Variants in TTC23 observed in about 807,000 individuals in gnomAD.
TTC23 encodes the protein tetratricopeptide repeat domain 23, also known as tetratricopeptide repeat protein 23.
A neutral mutation model predicts 55.1 loss-of-function variants in TTC23; 58 were observed. The ratio of observed to expected loss-of-function variants is 1.05; its 90% confidence interval spans 0.85 to 1.31. The LOEUF (loss-of-function observed/expected upper bound fraction) is 1.31. TTC23 is among the 50% of genes most tolerant of loss of function. The probability of loss-of-function intolerance (pLI) is 0.00; values close to 1 mark genes in which losing one functional copy is unlikely to be tolerated. For missense variants in TTC23, 516 were observed against 534.4 expected, an observed-to-expected ratio of 0.97 and a Z score of 0.34; for synonymous variants, 203 against 199.9, an observed-to-expected ratio of 1.02 and a Z score of -0.13.
At chr15:99,228,309 C>A (rs1388429316) in intron 5 of TTC23, 4 of 362,096 alleles carry the variant, frequency 1.1e-5, no homozygotes, top group East Asian at 8.2e-5. Flanking sequence ...AGACTTGGCA[C>A]ACAGTGCGAG....
At chr15:99,146,068 T>C (rs797032785) in intron 12 of TTC23, among the ~76,000 whole-genome samples, 7 of 152,176 alleles carry the variant, frequency 4.6e-5, no homozygotes, top group African/African-American at 1.7e-4. Flanking sequence ...ATCCCTTGAC[T>C]CCCCCACGAC....
chr15:99,238,248 A>G (rs1597020620), intron 3 of TTC23, among the ~76,000 whole-genome samples: 1 of 152,074 alleles, frequency 6.6e-6, no homozygotes, highest in African/African-American at 2.4e-5. Context: ...GATTACAGGC[A>G]TGAGCCACTG....
At chr15:99,243,383 T>A (rs2079972573) in intron 2 of TTC23, among the ~76,000 whole-genome samples, 1 of 152,198 alleles carries the variant, frequency 6.6e-6, no homozygotes, top group Non-Finnish European at 1.5e-5. Flanking sequence ...GGGACACTCA[T>A]ACACTGTTGG....
At chr15:99,194,159 G>T (rs2099459520) in intron 9 of TTC23, among the ~76,000 whole-genome samples, 1 of 152,126 alleles carries the variant, frequency 6.6e-6, no homozygotes, top group Non-Finnish European at 1.5e-5. Flanking sequence ...ACTCAATGTT[G>T]TCAAGATGTG....
chr15:99,199,811 T>C, intron 9 of TTC23, 108 bp downstream of exon 9: 1 of 1,161,352 alleles, frequency 8.6e-7, no homozygotes, highest in African/African-American at 1.6e-5. Flanking sequence ...GTTGTCCTTA[T>C]CTAGAGCAAA....
At chr15:99,172,482 G>A (rs896114706) in intron 10 of TTC23, among the ~76,000 whole-genome samples, 6 of 152,150 alleles carry the variant, frequency 3.9e-5, no homozygotes, top group African/African-American at 1.4e-4. Flanking sequence ...GATTCTTTTG[G>A]TGGGCCTAAG....
chr15:99,161,247 T>C (rs1268600595), intron 11 of TTC23: 1 of 152,786 alleles, frequency 6.5e-6, no homozygotes, highest in East Asian at 1.9e-4. Flanking sequence ...TTGCAGGGAA[T>C]GCATTCCCAA....
At chr15:99,227,759 G>T (rs1184686780) in intron 5 of TTC23, among the ~76,000 whole-genome samples, 1 of 152,138 alleles carries the variant, frequency 6.6e-6, no homozygotes, top group African/African-American at 2.4e-5. Context: ...ATTGGCTCTT[G>T]TCCATCTGCT....
At chr15:99,140,980 A>G (rs1249695831) in intron 12 of TTC23, 1 of 152,238 alleles carries the variant, frequency 6.6e-6, no homozygotes, top group Admixed American at 6.5e-5. Flanking sequence ...TTGAAATCTG[A>G]TGAAATAAAC....
At chr15:99,194,708 G>A (rs1264113528) in intron 9 of TTC23, among the ~76,000 whole-genome samples, 1 of 152,192 alleles carries the variant, frequency 6.6e-6, no homozygotes, top group Non-Finnish European at 1.5e-5. Flanking sequence ...GGCACAGGTA[G>A]GCAGATCACC....
intron 8 of TTC23, among the ~76,000 whole-genome samples, chr15:99,201,587 G>A (rs189974727): frequency 5.3e-4 from 80 of 152,284 alleles, no homozygotes; most frequent in East Asian, 9.6e-4. Context: ...GGTCCAGATG[G>A]CCACAGTGGA....
At chr15:99,195,400 C>T (rs1389075833) in intron 9 of TTC23, among the ~76,000 whole-genome samples, 1 of 152,132 alleles carries the variant, frequency 6.6e-6, no homozygotes, top group Non-Finnish European at 1.5e-5. Flanking sequence ...TATTAGACTG[C>T]CCTAAATCCA....
At chr15:99,199,136 C>T (rs1256775095) in intron 9 of TTC23, among the ~76,000 whole-genome samples, 4 of 152,104 alleles carry the variant, frequency 2.6e-5, no homozygotes, top group African/African-American at 9.7e-5. Flanking sequence ...CGGTGGCCCT[C>T]ATCAAATCAG....
intron 3 of TTC23, among the ~76,000 whole-genome samples, chr15:99,237,491 T>C (rs749884831): frequency 1.1e-4 from 16 of 152,192 alleles, no homozygotes; most frequent in Non-Finnish European, 2.2e-4. Context: ...TGTTGCGACA[T>C]GAATAAATCT....
At chr15:99,199,765 A>C (rs751038420) in intron 9 of TTC23, among the ~76,000 whole-genome samples, 154 bp downstream of exon 9, 1 of 152,214 alleles carries the variant, frequency 6.6e-6, no homozygotes, top group Non-Finnish European at 1.5e-5. Context: ...CCACCTGATA[A>C]GAACACCTTT....
intron 10 of TTC23, among the ~76,000 whole-genome samples, chr15:99,168,029 G>A (rs76086606): frequency 6.6e-6 from 1 of 152,146 alleles, no homozygotes; most frequent in Non-Finnish European, 1.5e-5. Context: ...GAGGCCACAC[G>A]GGAAGCCTGA....
upstream of TTC23, among the ~76,000 whole-genome samples, chr15:99,250,431 ATAAAGT>A (rs1179917721): frequency 2.0e-5 from 3 of 152,222 alleles, no homozygotes; most frequent in African/African-American, 2.4e-5. Context: ...CTACTTCATT[ATAAAGT>A]TAAAGTTCCT....
At chr15:99,248,394 C>G (rs568011942) in intron 1 of TTC23, 1 of 152,300 alleles carries the variant, frequency 6.6e-6, no homozygotes, top group Non-Finnish European at 1.5e-5. Context: ...AAATTTGTAA[C>G]CAAAGTTTCC....
chr15:99,218,744 G>A, intron 7 of TTC23, 31 bp from the exon 8 acceptor site: 5 of 1,613,072 alleles, frequency 3.1e-6, no homozygotes, highest in Non-Finnish European at 3.4e-6. Context: ...TTTCCACTTG[G>A]TTCTAGATTC....
Sources: allele counts gnomAD v4.1 joint callset (sites outside exome capture counted in the v4.1 genomes callset), GRCh38; gene constraint gnomAD v4.1.1; transcripts MANE v1.5; gene names NCBI Gene and HGNC (gene_info 2026-07-23, HGNC 2026-07-21).